Variants in ACOXL observed in about 807,000 individuals in gnomAD.
The protein encoded by ACOXL is acyl-coenzyme A oxidase-like protein.
ACOXL carries 70 observed loss-of-function variants against 71.9 expected under a neutral mutation model. That is an observed-to-expected ratio of 0.97 (90% CI 0.80 to 1.19). The LOEUF (loss-of-function observed/expected upper bound fraction) is 1.19, where lower values mean the gene tolerates loss of function less well. ACOXL is among the 50% of genes most tolerant of loss of function. ACOXL has a pLI of 0.00. For missense variants in ACOXL, 703 were observed against 736.3 expected (o/e 0.95, Z 0.52); for synonymous variants, 253 against 281.6 (o/e 0.90, Z 1.02).
In ACOXL at chr2:110,753,149, T is replaced by C. The variant is rs58905058; in HGVS notation, c.-22-15219T>C. Among the ~76,000 whole-genome samples the C allele has an allele frequency of 6.7e-4, 102 of 152,158 alleles. No individual in the cohort carries two copies. The East Asian group carries it at 9.9e-3, about 15-fold the overall frequency. ...TTGTTTAAATGACTCTGGCACCTCC[T>C]CCTCTCTTTCTTACCCCCTCTCTTG... On this transcript the variant is annotated intron_variant, in intron 1 of 17. Coordinates refer to ENST00000439055, the MANE Select transcript of ACOXL (RefSeq NM_001142807.4).
At chr2:111,110,504 TG>T (rs2069869804) in intron 17 of ACOXL, among the ~76,000 whole-genome samples, 1 of 152,238 alleles carries the variant, frequency 6.6e-6, no homozygotes, top group Non-Finnish European at 1.5e-5. Context: ...AATTCTGGGT[TG>T]AGGGTAAGAA....
At chr2:110,933,998 C>T (rs2060573258) in intron 12 of ACOXL, among the ~76,000 whole-genome samples, 1 of 152,178 alleles carries the variant, frequency 6.6e-6, no homozygotes, top group Admixed American at 6.5e-5. Context: ...CAGGAAATGA[C>T]CCCAAGGGTT....
At chr2:110,915,796 G>T (rs966081741) in intron 11 of ACOXL, among the ~76,000 whole-genome samples, 1 of 151,840 alleles carries the variant, frequency 6.6e-6, no homozygotes, top group Non-Finnish European at 1.5e-5. Flanking sequence ...TTGTGTCTAT[G>T]TTCATATGGA....
intron 8 of ACOXL, among the ~76,000 whole-genome samples, chr2:110,804,221 G>A (rs560302345): frequency 1.3e-4 from 20 of 151,976 alleles, no homozygotes; most frequent in African/African-American, 4.3e-4. Flanking sequence ...TCCTGACTTC[G>A]GATGATCCTC....
At chr2:111,108,000 C>T (rs191584106) in intron 17 of ACOXL, among the ~76,000 whole-genome samples, 1 of 152,276 alleles carries the variant, frequency 6.6e-6, no homozygotes, top group Non-Finnish European at 1.5e-5. Flanking sequence ...GTAGACAATC[C>T]TTTCTAATCT....
chr2:110,794,084 A>G lies in ACOXL; in HGVS notation c.255A>G (p.Lys85=), dbSNP rs773367617. The G allele has an allele frequency of 3.7e-6, 6 of 1,614,152 alleles. No homozygotes were observed. Among genetic ancestry groups the G allele is most frequent in the South Asian group, 3.3e-5 (3 of 91,074 alleles). ...TKWFQPLQEQ[K]YTGMFAMTER... Reference sequence around the variant, plus strand: ...CATCTGGTAAACTCCAGGAGCAGAAATACACTGGGATGTTTGCAATGACCG... The same window carrying G: ...CATCTGGTAAACTCCAGGAGCAGAAGTACACTGGGATGTTTGCAATGACCG... The change falls in exon 5 of 18, where the codon AAA becomes AAG. Residue 85 remains lysine, a synonymous_variant. Coordinates refer to ENST00000439055, the MANE Select transcript of ACOXL (RefSeq NM_001142807.4).
Position 110,876,265 on chromosome 2 carries a change from G to C in ACOXL, c.789-32524G>C, listed in dbSNP as rs181744455. On this transcript the variant is annotated intron_variant, in intron 10 of 17. Coordinates refer to ENST00000439055, the MANE Select transcript of ACOXL (RefSeq NM_001142807.4). The stretch of plus-strand genomic sequence containing the variant: ...TTTTTCTTGAGGAGGGGCACCACAG[G>C]ATACCCACACCCAGAGAGAGGCAGG... Among the ~76,000 whole-genome samples, 4 of 152,308 alleles carry C rather than the reference G, an allele frequency of 2.6e-5. No individual in the cohort carries two copies. In the East Asian group the frequency reaches 7.7e-4, roughly 29 times the overall value.
intron 17 of ACOXL, chr2:111,114,166 T>A (rs1299713617): frequency 6.5e-6 from 1 of 152,732 alleles, no homozygotes; most frequent in Non-Finnish European, 1.5e-5. Flanking sequence ...GCTGCAGTCA[T>A]CTGAGTTCAA....
At chr2:110,861,135 A>G (rs974578426) in intron 10 of ACOXL, among the ~76,000 whole-genome samples, 1 of 152,200 alleles carries the variant, frequency 6.6e-6, no homozygotes, top group African/African-American at 2.4e-5. Flanking sequence ...CCCTATCTCA[A>G]CAACAACATC....
intron 11 of ACOXL, 117 bp downstream of exon 11, chr2:110,909,022 G>T: frequency 5.1e-6 from 4 of 780,162 alleles, no homozygotes. Flanking sequence ...GAAAGAGTCT[G>T]TTGTTAAAAT....
chr2:110,990,508 T>C (rs988266273), intron 13 of ACOXL, among the ~76,000 whole-genome samples: 2 of 152,226 alleles, frequency 1.3e-5, no homozygotes, highest in African/African-American at 4.8e-5. Flanking sequence ...ATTCTTTTCA[T>C]GTCTCACAGC....
intron 16 of ACOXL, among the ~76,000 whole-genome samples, chr2:111,080,583 A>G (rs1222753124): frequency 6.6e-6 from 1 of 152,214 alleles, no homozygotes; most frequent in East Asian, 1.9e-4. Flanking sequence ...GCCAAATTCT[A>G]CCAGAGGTAC....
At chr2:110,733,451 A>T (rs1676444570) in intron 1 of ACOXL, among the ~76,000 whole-genome samples, 1 of 152,124 alleles carries the variant, frequency 6.6e-6, no homozygotes, top group Admixed American at 6.5e-5. Context: ...AGAACTCGGC[A>T]TTCGTGTCTC....
rs565519992 is a variant in ACOXL at position 110,874,078 on chromosome 2, G to A, written c.788+32673G>A. ...CCCACCCCAGAGCAAGAGCCGGGGA[G>A]GATGCCCAGAGGGCAGGTGGGCGCT... On this transcript the variant is annotated intron_variant, in intron 10 of 17. Coordinates refer to ENST00000439055, the MANE Select transcript of ACOXL (RefSeq NM_001142807.4). Among the ~76,000 whole-genome samples the A allele has an allele frequency of 3.9e-5, 6 of 152,340 alleles. No individual in the cohort carries two copies. The South Asian group carries it at 1.2e-3, about 32-fold the overall frequency.
At chr2:111,099,481 G>GGACTC (rs1335701176) in intron 17 of ACOXL, 1 of 152,170 alleles carries the variant, frequency 6.6e-6, no homozygotes, top group Non-Finnish European at 1.5e-5. Flanking sequence ...GGCAGATTTC[G>GGACTC]GACTCCACTC....
intron 10 of ACOXL, among the ~76,000 whole-genome samples, chr2:110,883,345 A>G (rs1189194207): frequency 6.6e-6 from 1 of 151,942 alleles, no homozygotes; most frequent in Non-Finnish European, 1.5e-5. Context: ...CGTAGCCCCA[A>G]GCAATCCACC....
intron 11 of ACOXL, among the ~76,000 whole-genome samples, chr2:110,927,520 A>T (rs762177470): frequency 7.9e-5 from 12 of 151,948 alleles, no homozygotes; most frequent in Non-Finnish European, 1.6e-4. Context: ...CCCTCACCTG[A>T]TAATTTAGTG....
At chr2:110,925,670 A>G (rs917793100) in intron 11 of ACOXL, among the ~76,000 whole-genome samples, 13 of 152,304 alleles carry the variant, frequency 8.5e-5, no homozygotes, top group Middle Eastern at 3.4e-3. Context: ...AACTTTCTCC[A>G]TATCAGCAAA....
intron 14 of ACOXL, among the ~76,000 whole-genome samples, chr2:111,011,709 C>A (rs2064166840): frequency 6.6e-6 from 1 of 151,726 alleles, no homozygotes; most frequent in African/African-American, 2.4e-5. Context: ...CTGGCAAAAC[C>A]CTGTCTCTAC....
Sources: allele counts gnomAD v4.1 joint callset (sites outside exome capture counted in the v4.1 genomes callset), GRCh38; gene constraint gnomAD v4.1.1; transcripts MANE v1.5; gene names NCBI Gene and HGNC (gene_info 2026-07-23, HGNC 2026-07-21).